NR5A1: variants seen among roughly 807,000 people sequenced by gnomAD.
The protein encoded by NR5A1 is nuclear receptor subfamily 5 group A member 1, also known as steroidogenic factor 1.
In NR5A1, 6 loss-of-function variants were observed where a neutral mutation model predicts 42.7. That is an observed-to-expected ratio of 0.14 (90% CI 0.08 to 0.28). NR5A1 has a LOEUF of 0.28. NR5A1 is among the 10% of genes least tolerant of loss of function. The pLI is 1.00. For missense variants in NR5A1, 442 were observed against 626.4 expected, an observed-to-expected ratio of 0.71 and a Z score of 3.14; for synonymous variants, 274 against 277.5, an observed-to-expected ratio of 0.99 and a Z score of 0.12.
In NR5A1 at chr9:124,482,078, A is replaced by T. The variant is rs1051677419; in HGVS notation, c.*680T>A. ...GTACCAAACGTTCTCCTTGGGTGGG[A>T]GAGGGAATCAGTGATGCCTGGAGCA... On this transcript the variant is annotated 3_prime_UTR_variant, in exon 7 of 7. Transcript: ENST00000373588. The T allele has an allele frequency of 6.5e-6, 1 of 153,352 alleles. No individual in the cohort carries two copies. The highest frequency in any genetic ancestry group is 1.5e-5 in the Non-Finnish European group (1 of 68,890). 9.5% of individuals were successfully genotyped at this position (153,352 alleles called of 1,614,324 possible).
chr9:124,491,036 C>CCCCCCCCCGGGGGGGGG, intron 6 of NR5A1, 45 bp downstream of exon 6: 1 of 1,401,600 alleles, frequency 7.1e-7, no homozygotes, highest in Non-Finnish European at 9.6e-7. Context: ...CCCACCCACC[C>CCCCCCCCCGGGGGGGGG]GCCTCTGGCT....
intron 6 of NR5A1, among the ~76,000 whole-genome samples, chr9:124,488,233 T>C (rs569585003): frequency 3.0e-4 from 46 of 151,826 alleles, no homozygotes; most frequent in African/African-American, 1.1e-3. Flanking sequence ...AGCCAAGTGG[T>C]GCTGGTTTCT....
At chr9:124,502,704 C>G (rs1348376691) in intron 3 of NR5A1, among the ~76,000 whole-genome samples, 2 of 152,226 alleles carry the variant, frequency 1.3e-5, no homozygotes, top group Non-Finnish European at 2.9e-5. Flanking sequence ...GCCTGACTGA[C>G]AGTGCGGGCA....
At chr9:124,488,550 C>T (rs1832256884) in intron 6 of NR5A1, among the ~76,000 whole-genome samples, 1 of 152,246 alleles carries the variant, frequency 6.6e-6, no homozygotes, top group African/African-American at 2.4e-5. Flanking sequence ...TCACTTCATT[C>T]TTTCACTTAC....
chr9:124,491,177 C>G lies in NR5A1; in HGVS notation c.1042G>C (p.Val348Leu). ...TQAGSLLHSL[V>L]LRAQELVLQL... is the part of the protein sequence containing the mutation. The stretch of plus-strand genomic sequence containing the variant: ...AGCACCAGCTCCTGCGCCCGCAACA[C>G]CAGGCTGTGCAGCAGCGAGCCCGCC... The change falls in exon 6 of 7, where the codon GTG (valine) becomes CTG (leucine). Residue 348 changes from valine (V) to leucine (L), a missense_variant. By Grantham distance (32) the Val-to-Leu change is conservative (BLOSUM62 1). This residue lies in a region of NR5A1 where 163 missense variants were observed against 265.8 expected (regional missense o/e 0.61). Coordinates refer to ENST00000373588, the MANE Select transcript of NR5A1 (RefSeq NM_004959.5). 1.2e-6 allele frequency: 2 copies of G among 1,609,838 alleles called. No homozygotes were observed. Among genetic ancestry groups the G allele is most frequent in the Non-Finnish European group, 1.7e-6 (2 of 1,178,932 alleles).
chr9:124,491,848 C>T (rs188459468), intron 5 of NR5A1, among the ~76,000 whole-genome samples: 1 of 152,196 alleles, frequency 6.6e-6, no homozygotes. Context: ...GACACCCACA[C>T]ACTGATGTGT....
intron 4 of NR5A1, among the ~76,000 whole-genome samples, chr9:124,493,395 C>T (rs987067178): frequency 2.0e-5 from 3 of 152,204 alleles, no homozygotes; most frequent in Non-Finnish European, 4.4e-5. Flanking sequence ...TATGACTTTA[C>T]GTAAGTCCTG....
intron 3 of NR5A1, among the ~76,000 whole-genome samples, chr9:124,502,486 C>G (rs141847385): frequency 6.6e-6 from 1 of 152,050 alleles, no homozygotes; most frequent in Non-Finnish European, 1.5e-5. Flanking sequence ...CATGTCACCA[C>G]GCCCAGCTAC....
At chr9:124,488,637 C>T (rs62581800) in intron 6 of NR5A1, among the ~76,000 whole-genome samples, 1 of 152,226 alleles carries the variant, frequency 6.6e-6, no homozygotes, top group African/African-American at 2.4e-5. Flanking sequence ...GTCAGCCAAG[C>T]ACTGGGACAC....
intron 4 of NR5A1, among the ~76,000 whole-genome samples, chr9:124,497,313 G>A (rs867335130): frequency 1.3e-5 from 2 of 152,228 alleles, no homozygotes; most frequent in Admixed American, 6.5e-5. Flanking sequence ...CATACAGCAT[G>A]TAAGTGACAG....
At chr9:124,487,387 C>G (rs957297351) in intron 6 of NR5A1, among the ~76,000 whole-genome samples, 3 of 152,226 alleles carry the variant, frequency 2.0e-5, no homozygotes, top group Middle Eastern at 3.2e-3. Flanking sequence ...ATGCTGCTGC[C>G]GCCGCCTCAA....
At position 124,501,632 on chromosome 9, in the gene NR5A1, C is replaced by T. The variant is rs1021930969; in HGVS notation, c.245-917G>A. Among the ~76,000 whole-genome samples, 1 of 152,186 alleles carries T rather than the reference C, an allele frequency of 6.6e-6. No homozygotes were observed. The highest frequency in any genetic ancestry group is 2.4e-5 in the African/African-American group (1 of 41,452). ...TCTTCCTGCCCCCTGGGGTGGGCAG[C>T]GCTGTGCTGCTCGCAGGCTGCACGG... On this transcript the variant is annotated intron_variant, in intron 3 of 6. Coordinates refer to ENST00000373588, the MANE Select transcript of NR5A1 (RefSeq NM_004959.5). This position sits in a 1 kb window ranked among gnomAD's most constrained non-coding sequence, Gnocchi z 4.1.
At position 124,501,679 on chromosome 9, in the gene NR5A1, G is replaced by C. The variant is rs1274332617; in HGVS notation, c.245-964C>G. On this transcript the variant is annotated intron_variant, in intron 3 of 6. Transcript: ENST00000373588. The surrounding 1 kb of genome is among the most constrained non-coding windows in gnomAD (Gnocchi z 4.1). ...ACGGGAGTTTCTACTGCCCACAACA[G>C]CCAGCTATCTGGCCCCTTGGGACCT... Among the ~76,000 whole-genome samples the C allele has an allele frequency of 6.6e-6, 1 of 152,228 alleles. No individual in the cohort carries two copies. Among genetic ancestry groups the C allele is most frequent in the Non-Finnish European group, 1.5e-5 (1 of 68,038 alleles).
At chr9:124,486,759 C>T (rs753209328) in intron 6 of NR5A1, among the ~76,000 whole-genome samples, 20 of 152,208 alleles carry the variant, frequency 1.3e-4, no homozygotes, top group South Asian at 6.2e-4. Context: ...ACACATGTGA[C>T]GGTGCCAGCA....
chr9:124,502,994 C>A, intron 3 of NR5A1, 85 bp downstream of exon 3: 3 of 1,495,616 alleles, frequency 2.0e-6, no homozygotes, highest in Non-Finnish European at 2.7e-6. Flanking sequence ...GCCAATGGTA[C>A]TATCCCCTCA....
intron 6 of NR5A1, 61 bp downstream of exon 6, chr9:124,491,020 C>CAA: frequency 1.9e-6 from 1 of 519,494 alleles, no homozygotes. Context: ...CAGCCTCACC[C>CAA]ACCCTCCCAC....
rs1444196093 is a variant in NR5A1, at chr9:124,481,865, C to T, written c.*893G>A. The T allele has an allele frequency of 6.6e-6, 1 of 152,286 alleles. No homozygotes were observed. The highest frequency in any genetic ancestry group is 6.5e-5 in the Admixed American group (1 of 15,284). The allele number at this position is 152,286 out of a possible 1,614,324, so 9.4% of individuals were successfully genotyped here. A position where few individuals can be genotyped will look rare whatever the true frequency, so the allele number is the denominator to read the frequency against. On this transcript the variant is annotated 3_prime_UTR_variant, in exon 7 of 7. Coordinates refer to ENST00000373588, the MANE Select transcript of NR5A1 (RefSeq NM_004959.5). ...GTCCGGGGAGAAACCGTCAGCTGTA[C>T]TTAGTGGCAATCCCCAAGCCCCAGC...
rs557420267 is a variant in NR5A1, at chr9:124,500,804, C to T, written c.245-89G>A. 1.2e-5 allele frequency: 19 copies of T among 1,593,170 alleles called. No individual in the cohort carries two copies. Among genetic ancestry groups the T allele is most frequent in the South Asian group, 5.5e-5 (5 of 90,406 alleles). ...CAGATCCTTTCCAAACAAATCTGACCGCTCTCTCCCCTGCTCAACACCCTT... is the reference window on the plus strand; with the variant it reads ...CAGATCCTTTCCAAACAAATCTGACTGCTCTCTCCCCTGCTCAACACCCTT... On this transcript the variant is annotated intron_variant, in intron 3 of 6. Transcript: ENST00000373588. This position sits in a 1 kb window ranked among gnomAD's most constrained non-coding sequence, Gnocchi z 6.9.
In NR5A1 at chr9:124,486,416, G is replaced by T. The variant is rs1400980995; in HGVS notation, c.1139-3411C>A. ...AGGGCCCCCTCAAGACACACAAGGT[G>T]CCAGAGCCTGGATTCAAACCCAAGT... On this transcript the variant is annotated intron_variant, in intron 6 of 6. Coordinates refer to ENST00000373588, the MANE Select transcript of NR5A1 (RefSeq NM_004959.5). 2.6e-5 allele frequency among the ~76,000 whole-genome samples: 4 copies of T among 152,186 alleles called. No homozygotes were observed. In the East Asian group the frequency reaches 5.8e-4, roughly 22 times the overall value.
Sources: gnomAD v4.1 joint callset for allele counts (sites outside exome capture counted in the v4.1 genomes callset) on GRCh38, gnomAD v4.1.1 for gene constraint, gnomAD v4.1.1 regional missense constraint, Gnocchi (gnomAD v3.1) non-coding constraint, MANE v1.5 for transcripts, NCBI Gene and HGNC (gene_info 2026-07-23, HGNC 2026-07-21) for gene names.